Variants in JAKMIP3 observed in about 807,000 individuals in gnomAD.
JAKMIP3 encodes the protein janus kinase and microtubule-interacting protein 3.
Under a neutral mutation model 118.5 loss-of-function variants are expected in JAKMIP3, and 58 were observed. The observed-to-expected ratio is 0.49, with a 90% CI of 0.40 to 0.61. JAKMIP3 has a LOEUF of 0.61. Ranked by LOEUF, JAKMIP3 falls within the 20% of genes least tolerant of loss-of-function variation. The pLI, the probability that JAKMIP3 is intolerant of heterozygous loss-of-function variation, is 0.00. For missense variants in JAKMIP3, 950 were observed against 1,109.0 expected (o/e 0.86, Z 2.04); for synonymous variants, 486 against 451.2 (o/e 1.08, Z -0.98).
At chr10:132,135,516 G>A (rs527967391) in intron 5 of JAKMIP3, among the ~76,000 whole-genome samples, 9 of 152,072 alleles carry the variant, frequency 5.9e-5, no homozygotes, top group Non-Finnish European at 1.3e-4. Flanking sequence ...CGGAGGGTGC[G>A]TGAGCTGTCA....
chr10:132,097,324 T>C (rs973206270), intron 1 of JAKMIP3, among the ~76,000 whole-genome samples: 26 of 151,820 alleles, frequency 1.7e-4, no homozygotes, highest in African/African-American at 5.6e-4. Flanking sequence ...GCGAGAAGGG[T>C]GAACCGTGGG....
intron 2 of JAKMIP3, among the ~76,000 whole-genome samples, chr10:132,108,470 G>C (rs867228469): frequency 1.8e-4 from 28 of 152,126 alleles, no homozygotes; most frequent in African/African-American, 4.3e-4. Context: ...ACTGGAAGCA[G>C]GGGCTGGAGG....
chr10:132,174,666 T>A (rs1382208229), intron 23 of JAKMIP3, among the ~76,000 whole-genome samples: 1 of 152,140 alleles, frequency 6.6e-6, no homozygotes. Flanking sequence ...GGTGAGTGCA[T>A]GCTTACTTTT....
intron 19 of JAKMIP3, among the ~76,000 whole-genome samples, chr10:132,156,623 C>T (rs2057125278): frequency 6.6e-6 from 1 of 152,116 alleles, no homozygotes; most frequent in Non-Finnish European, 1.5e-5. Flanking sequence ...TTCCCTGACC[C>T]CCAGTGAGGT....
At chr10:132,142,525 A>G (rs1375287027) in intron 11 of JAKMIP3, among the ~76,000 whole-genome samples, 2 of 150,512 alleles carry the variant, frequency 1.3e-5, no homozygotes, top group African/African-American at 5.0e-5. Flanking sequence ...CCCACTGGGC[A>G]GCACCCCAGC....
At chr10:132,046,541 C>G (rs556600502) in intron 1 of JAKMIP3, among the ~76,000 whole-genome samples, 2 of 152,150 alleles carry the variant, frequency 1.3e-5, no homozygotes, top group Non-Finnish European at 2.9e-5. Flanking sequence ...TCTTCCATTT[C>G]TGTGTGTGTC....
chr10:132,149,533 A>T (rs1324835512), intron 15 of JAKMIP3, 23 bp downstream of exon 15: 3 of 876,740 alleles, frequency 3.4e-6, no homozygotes, highest in East Asian at 1.2e-4. Flanking sequence ...CCTCCTGCCC[A>T]CTCCGCCCCC....
chr10:132,112,603 G>C lies in JAKMIP3; in HGVS notation c.136-4474G>C, dbSNP rs1206901068. Among the ~76,000 whole-genome samples, 1 of 152,192 alleles carries C rather than the reference G, an allele frequency of 6.6e-6. No individual in the cohort carries two copies. The highest frequency in any genetic ancestry group is 1.9e-4 in the East Asian group (1 of 5,196). ...TCACAGAGATTTATGTGAATGTCTT[G>C]CATTTTAAAGAAGTCTCCTGCCTTC... On this transcript the variant is annotated intron_variant, in intron 2 of 23. Transcript: ENST00000684848. The surrounding 1 kb of genome is among the most constrained non-coding windows in gnomAD (Gnocchi z 4.3).
intron 19 of JAKMIP3, among the ~76,000 whole-genome samples, chr10:132,158,945 G>GT (rs1442905606): frequency 0.14 from 7,005 of 48,922 alleles, 3,000 homozygotes; most frequent in Non-Finnish European, 0.27. Flanking sequence ...ATGCTGGGGG[G>GT]GGGGACCTCT....
At chr10:132,040,536 C>T (rs2037707145) in intron 1 of JAKMIP3, among the ~76,000 whole-genome samples, 1 of 152,072 alleles carries the variant, frequency 6.6e-6, no homozygotes. Context: ...ATGTCATATT[C>T]ATGAGCATTT....
chr10:132,149,201 G>T (rs150715848), intron 14 of JAKMIP3, among the ~76,000 whole-genome samples: 23 of 152,252 alleles, frequency 1.5e-4, no homozygotes, highest in African/African-American at 5.5e-4. Context: ...CACATCTGGG[G>T]TCAGCGAATA....
intron 1 of JAKMIP3, among the ~76,000 whole-genome samples, chr10:132,074,121 G>A (rs1187515893): frequency 6.6e-6 from 1 of 152,088 alleles, no homozygotes; most frequent in African/African-American, 2.4e-5. Flanking sequence ...GCACAATCTC[G>A]GCTCATTGCA....
rs963800302 is a variant in JAKMIP3 at position 132,049,447 on chromosome 10, T to C, written c.-138+12709T>C. On this transcript the variant is annotated intron_variant, in intron 1 of 23. Coordinates refer to the JAKMIP3 transcript ENST00000657785. The surrounding 1 kb of genome is among the most constrained non-coding windows in gnomAD (Gnocchi z 4.3). ...CCTCTTATTAAATTGTCGTTTGTGT[T>C]ATTCTCCCTTGGGCATCTTACAATT... Among the ~76,000 whole-genome samples, 2 of 152,220 alleles carry C rather than the reference T, an allele frequency of 1.3e-5. No individual in the cohort carries two copies. The highest frequency in any genetic ancestry group is 3.8e-4 in the East Asian group (2 of 5,202).
chr10:132,042,226 C>CTTCCTTCCTTCCTTCCTTCCTTCCTTCCT (rs1564848173), intron 1 of JAKMIP3, among the ~76,000 whole-genome samples: 1 of 146,810 alleles, frequency 6.8e-6, no homozygotes, highest in African/African-American at 2.5e-5. Flanking sequence ...TTCTTTCCTC[C>CTTCCTTCCTTCCTTCCTTCCTTCCTTCCT]TCCTCCTTTC....
chr10:132,129,640 G>T (rs548777637), intron 3 of JAKMIP3, among the ~76,000 whole-genome samples: 1 of 152,184 alleles, frequency 6.6e-6, no homozygotes, highest in African/African-American at 2.4e-5. Context: ...GCGGGGCCCC[G>T]TGATGAGAGG....
chr10:132,154,042 G>A (rs926955774), intron 19 of JAKMIP3, 52 bp downstream of exon 19: 23 of 1,556,610 alleles, frequency 1.5e-5, no homozygotes, highest in South Asian at 7.8e-5. Flanking sequence ...GGGCTGAAAC[G>A]GCCACGTGGC....
chr10:132,167,356 T>C (rs574663161), intron 22 of JAKMIP3, among the ~76,000 whole-genome samples: 1 of 152,208 alleles, frequency 6.6e-6, no homozygotes, highest in South Asian at 2.1e-4. Flanking sequence ...TGCAGGACCC[T>C]CTCTAGGGGG....
rs370635561 is a variant in JAKMIP3 at position 132,145,098 on chromosome 10, G to C, written c.1603-9G>C. The C allele has an allele frequency of 1.9e-6, 3 of 1,610,708 alleles. No homozygotes were observed. In the East Asian group the frequency reaches 6.7e-5, roughly 36 times the overall value. On this transcript the variant is annotated splice_polypyrimidine_tract_variant and intron_variant, in intron 11 of 23. Coordinates refer to ENST00000684848, the MANE Select transcript of JAKMIP3 (RefSeq NM_001323087.2). ...GAAAATTTGATGTATCTTTCCTCCC[G>C]TCCTACAGACCCGTGAGCAGCTACA...
Position 132,180,523 on chromosome 10 carries a change from C to CTGTG in JAKMIP3, c.*1104-1815_*1104-1812dup, listed in dbSNP as rs760742595. ...GAAGACTGCAAACCTGGAAGCAGAA[C>CTGTG]TGTGTGTGTGTGTGTGTGTGTGCGT... is the stretch of plus-strand genomic sequence containing the variant. On this transcript the variant is annotated intron_variant, in intron 23 of 23. Transcript: ENST00000684848. Among the ~76,000 whole-genome samples, 166 of 74,446 alleles carry CTGTG rather than the reference C, an allele frequency of 2.2e-3. 49 individuals are homozygous for CTGTG. The highest frequency in any genetic ancestry group is 9.5e-3 in the African/African-American group (111 of 11,744). The allele number at this position is 74,446 out of a possible 152,430, so 48.8% of individuals were successfully genotyped here.
Sources: allele counts gnomAD v4.1 joint callset (sites outside exome capture counted in the v4.1 genomes callset), GRCh38; gene constraint gnomAD v4.1.1; non-coding constraint Gnocchi (gnomAD v3.1); transcripts MANE v1.5; gene names NCBI Gene and HGNC (gene_info 2026-07-23, HGNC 2026-07-21).